The following NXPE2 variants were observed in gnomAD, a reference collection of about 807,000 sequenced individuals.
NXPE2 encodes the protein NXPE family member 2.
NXPE2 carries 34 observed loss-of-function variants against 34.4 expected under a neutral mutation model. The ratio of observed to expected loss-of-function variants is 0.99; its 90% confidence interval spans 0.75 to 1.31. NXPE2 has a LOEUF of 1.31. Ranked by LOEUF, NXPE2 falls within the 40% of genes most tolerant of loss-of-function variation. NXPE2 has a pLI of 0.00. For synonymous variants in NXPE2, 235 were observed against 231.3 expected, an observed-to-expected ratio of 1.02 and a Z score of -0.15; for missense variants, 649 against 672.5, an observed-to-expected ratio of 0.97 and a Z score of 0.39.
chr11:114,571,170 G>A, the NXPE2 span: 2 of 1,613,882 alleles, frequency 1.2e-6, no homozygotes, highest in East Asian at 2.2e-5. Flanking sequence ...GATAACCATA[G>A]TGTCTGGGCT....
At chr11:114,646,514 T>C in the NXPE2 span, among the ~76,000 whole-genome samples, 11 of 152,112 alleles carry the variant, frequency 7.2e-5, no homozygotes, top group East Asian at 1.7e-3. Flanking sequence ...ATTAGAACAA[T>C]GTAATTTTTT....
At chr11:114,485,853 G>A in the NXPE2 span, among the ~76,000 whole-genome samples, 1 of 152,104 alleles carries the variant, frequency 6.6e-6, no homozygotes, top group African/African-American at 2.4e-5. Flanking sequence ...CGGCTAAATA[G>A]TACTCCATTG....
At chr11:114,752,021 T>C in the NXPE2 span, among the ~76,000 whole-genome samples, 1 of 152,222 alleles carries the variant, frequency 6.6e-6, no homozygotes, top group Non-Finnish European at 1.5e-5. Flanking sequence ...CATTTTGACC[T>C]CTAGACTTCT....
the NXPE2 span, among the ~76,000 whole-genome samples, chr11:114,665,410 C>T: frequency 1.3e-5 from 2 of 152,148 alleles, no homozygotes; most frequent in African/African-American, 4.8e-5. Flanking sequence ...ATAGCACAAC[C>T]TGATTTCAAT....
chr11:114,610,421 T>C, the NXPE2 span, among the ~76,000 whole-genome samples: 1 of 151,916 alleles, frequency 6.6e-6, no homozygotes. Context: ...TAATACCTAT[T>C]GCCTCTCGGG....
the NXPE2 span, chr11:114,526,603 G>A: frequency 1.3e-5 from 2 of 152,108 alleles, no homozygotes; most frequent in Non-Finnish European, 2.9e-5. Flanking sequence ...TTCATGATTA[G>A]GTTCTTCCTC....
At chr11:114,722,169 T>C in the NXPE2 span, among the ~76,000 whole-genome samples, 2 of 152,178 alleles carry the variant, frequency 1.3e-5, no homozygotes, top group Non-Finnish European at 2.9e-5. Context: ...CGAATTGTAA[T>C]CCCCACATAT....
intron 2 of NXPE2, among the ~76,000 whole-genome samples, chr11:114,695,468 C>G (rs1951232485): frequency 6.6e-6 from 1 of 152,032 alleles, no homozygotes; most frequent in South Asian, 2.1e-4. Flanking sequence ...TTTTCCTTAC[C>G]CCCGATTGAT....
chr11:114,556,069 G>A, the NXPE2 span, among the ~76,000 whole-genome samples: 1 of 152,118 alleles, frequency 6.6e-6, no homozygotes, highest in East Asian at 1.9e-4. Flanking sequence ...TTTAACTTTT[G>A]ACAAATCTAC....
At chr11:114,654,286 C>A in the NXPE2 span, among the ~76,000 whole-genome samples, 8 of 152,004 alleles carry the variant, frequency 5.3e-5, no homozygotes, top group Non-Finnish European at 8.8e-5. Context: ...ACATGCTCTG[C>A]CACATTCAAG....
the NXPE2 span, among the ~76,000 whole-genome samples, chr11:114,651,167 A>G: frequency 4.1e-4 from 63 of 152,254 alleles, no homozygotes; most frequent in East Asian, 0.01. Flanking sequence ...GCTTACTTCA[A>G]GAATGAAGCC....
the NXPE2 span, among the ~76,000 whole-genome samples, chr11:114,581,118 A>G: frequency 2.0e-5 from 3 of 152,138 alleles, no homozygotes; most frequent in African/African-American, 7.2e-5. Flanking sequence ...TTCTTTTTTT[A>G]TGATTAGCAA....
the NXPE2 span, among the ~76,000 whole-genome samples, chr11:114,762,595 G>C: frequency 1.3e-5 from 2 of 152,186 alleles, no homozygotes; most frequent in South Asian, 4.1e-4. Context: ...CAGCACTCCA[G>C]ATGGGGAAGT....
At chr11:114,730,043 A>G in the NXPE2 span, among the ~76,000 whole-genome samples, 1 of 152,184 alleles carries the variant, frequency 6.6e-6, no homozygotes, top group Admixed American at 6.5e-5. Flanking sequence ...GAGGTCTTAC[A>G]TTTAAATCCT....
the NXPE2 span, among the ~76,000 whole-genome samples, chr11:114,481,409 G>A: frequency 6.6e-6 from 1 of 152,124 alleles, no homozygotes; most frequent in African/African-American, 2.4e-5. Context: ...AAAAAGAGCA[G>A]TACACTATCT....
chr11:114,702,725 T>C (rs1366753999), intron 3 of NXPE2, among the ~76,000 whole-genome samples: 1 of 152,176 alleles, frequency 6.6e-6, no homozygotes, highest in Non-Finnish European at 1.5e-5. Flanking sequence ...GTCGATCTTA[T>C]TCTAAAGTCA....
chr11:114,756,947 C>T, the NXPE2 span, among the ~76,000 whole-genome samples: 2 of 152,046 alleles, frequency 1.3e-5, no homozygotes, highest in African/African-American at 4.8e-5. Flanking sequence ...GATGGATTAA[C>T]CAATATGTCA....
At chr11:114,763,340 G>A in the NXPE2 span, among the ~76,000 whole-genome samples, 1 of 151,950 alleles carries the variant, frequency 6.6e-6, no homozygotes, top group Non-Finnish European at 1.5e-5. Flanking sequence ...GCTAATTGGA[G>A]TATTTGGTTA....
the NXPE2 span, among the ~76,000 whole-genome samples, chr11:114,605,076 T>C: frequency 6.6e-6 from 1 of 151,978 alleles, no homozygotes; most frequent in Non-Finnish European, 1.5e-5. Flanking sequence ...ACCCAGTGGA[T>C]AATAAATATT....
Sources: allele counts gnomAD v4.1 joint callset (sites outside exome capture counted in the v4.1 genomes callset), GRCh38; gene constraint gnomAD v4.1.1; transcripts MANE v1.5; gene names NCBI Gene and HGNC (gene_info 2026-07-23, HGNC 2026-07-21).